Variants in BTBD2 observed in about 807,000 individuals in gnomAD.
BTBD2 encodes the protein BTB/POZ domain-containing protein 2.
Under a neutral mutation model 44.0 loss-of-function variants are expected in BTBD2, and 15 were observed. The observed-to-expected ratio is 0.34, with a 90% CI of 0.23 to 0.53. BTBD2 has a LOEUF of 0.53. Ranked by LOEUF, BTBD2 falls within the 20% of genes least tolerant of loss-of-function variation. The pLI is 0.95. For missense variants in BTBD2, 657 were observed against 746.4 expected (o/e 0.88, Z 1.39); for synonymous variants, 443 against 335.9 (o/e 1.32, Z -3.49).
At chr19:1,987,777 G>T in intron 5 of BTBD2, 85 bp from the exon 6 acceptor site, 1 of 1,356,762 alleles carries the variant, frequency 7.4e-7, no homozygotes, top group Non-Finnish European at 9.9e-7. Flanking sequence ...TTCCCCCTAA[G>T]ATGTCTGCGT....
At chr19:1,987,820 C>T (rs908982671) in intron 5 of BTBD2, 128 bp from the exon 6 acceptor site, 7 of 975,440 alleles carry the variant, frequency 7.2e-6, no homozygotes, top group Middle Eastern at 3.3e-4. Context: ...CTGGGCAGCC[C>T]CTCCCCGGGG....
intron 1 of BTBD2, among the ~76,000 whole-genome samples, chr19:2,009,481 A>C (rs920544275): frequency 2.7e-5 from 4 of 146,734 alleles, no homozygotes; most frequent in Non-Finnish European, 6.0e-5. Flanking sequence ...TACAGGCGTG[A>C]GCCACCACAC....
chr19:1,998,348 G>A (rs1274889930), intron 1 of BTBD2, among the ~76,000 whole-genome samples: 1 of 152,192 alleles, frequency 6.6e-6, no homozygotes, highest in Non-Finnish European at 1.5e-5. Context: ...GGAACGCAAG[G>A]CCCAGGGAAG....
chr19:1,986,467 G>C lies in BTBD2; in HGVS notation c.*21C>G, dbSNP rs1568213038. 4 of 1,610,060 alleles carry C rather than the reference G, an allele frequency of 2.5e-6. No individual in the cohort carries two copies. The South Asian group carries it at 4.4e-5, about 18-fold the overall frequency. ...CTGCGGCTATCCCCACGGAGGGAGGGCGGTGTCGGTGTCGGGCAGCCTAGG... is the reference window on the plus strand; with the variant it reads ...CTGCGGCTATCCCCACGGAGGGAGGCCGGTGTCGGTGTCGGGCAGCCTAGG... On this transcript the variant is annotated 3_prime_UTR_variant, in exon 9 of 9. Coordinates refer to ENST00000255608, the MANE Select transcript of BTBD2 (RefSeq NM_017797.4).
chr19:1,993,915 T>C (rs1247783866), intron 2 of BTBD2, among the ~76,000 whole-genome samples: 1 of 141,622 alleles, frequency 7.1e-6, no homozygotes, highest in African/African-American at 2.7e-5. Flanking sequence ...GAGAATCGCT[T>C]GAACCTGGGA....
chr19:2,000,612 C>T (rs1482616883), intron 1 of BTBD2, among the ~76,000 whole-genome samples: 1 of 152,214 alleles, frequency 6.6e-6, no homozygotes, highest in Non-Finnish European at 1.5e-5. Flanking sequence ...GACCCCTGGG[C>T]ACCGCTACTG....
intron 2 of BTBD2, among the ~76,000 whole-genome samples, chr19:1,993,401 G>A (rs2016208120): frequency 6.6e-6 from 1 of 151,878 alleles, no homozygotes; most frequent in Non-Finnish European, 1.5e-5. Flanking sequence ...ATGAAAACGA[G>A]CAAGAGGCTG....
At chr19:2,014,878 G>T (rs1026949891) in intron 1 of BTBD2, among the ~76,000 whole-genome samples, 1 of 151,366 alleles carries the variant, frequency 6.6e-6, no homozygotes, top group Non-Finnish European at 1.5e-5. Flanking sequence ...AGGATCCAGG[G>T]GGGCCTGGGG....
At chr19:2,008,201 A>C (rs1317091471) in intron 1 of BTBD2, among the ~76,000 whole-genome samples, 1 of 151,854 alleles carries the variant, frequency 6.6e-6, no homozygotes, top group Non-Finnish European at 1.5e-5. Flanking sequence ...ACAAGGTTTC[A>C]CTATGTTTGC....
In BTBD2 at chr19:2,015,407, G is replaced by A. The variant is rs1443758386; in HGVS notation, c.297C>T (p.Ser99=). The A allele has an allele frequency of 1.3e-6, 2 of 1,551,860 alleles. No homozygotes were observed. Among genetic ancestry groups the A allele is most frequent in the East Asian group, 2.6e-5 (1 of 38,934 alleles). Residue 99 remains serine, a synonymous_variant, in exon 1 of 9, where the codon AGC becomes AGT. Transcript: ENST00000255608. ...QREAAYNWQA[S]KPTVQERFAF... Reference sequence around the variant, plus strand: ...CGAAGCGCTCCTGCACGGTGGGCTTGCTGGCCTGCCAGTTGTACGCGGCCT... The same window carrying A: ...CGAAGCGCTCCTGCACGGTGGGCTTACTGGCCTGCCAGTTGTACGCGGCCT...
At chr19:2,011,412 C>G (rs1189232761) in intron 1 of BTBD2, among the ~76,000 whole-genome samples, 1 of 152,270 alleles carries the variant, frequency 6.6e-6, no homozygotes, top group Admixed American at 6.5e-5. Flanking sequence ...GATCTGGTCA[C>G]ACTGGGCCAC....
chr19:2,010,349 C>T (rs1398219136), intron 1 of BTBD2, among the ~76,000 whole-genome samples: 3 of 152,126 alleles, frequency 2.0e-5, no homozygotes, highest in Non-Finnish European at 4.4e-5. Flanking sequence ...CTGAGATGGA[C>T]GGGTGCCCAT....
chr19:1,998,952 G>A (rs1279812173), intron 1 of BTBD2, among the ~76,000 whole-genome samples: 3 of 152,044 alleles, frequency 2.0e-5, no homozygotes, highest in Admixed American at 6.6e-5. Flanking sequence ...AGCAAGTGCC[G>A]GCTCTCAACA....
chr19:1,992,991 C>T, intron 3 of BTBD2, 29 bp downstream of exon 3: 4 of 1,499,016 alleles, frequency 2.7e-6, no homozygotes, highest in African/African-American at 1.4e-5. Flanking sequence ...GGCCTGGCCC[C>T]GCCCCCGCCT....
At chr19:2,006,020 G>A (rs1235548594) in intron 1 of BTBD2, among the ~76,000 whole-genome samples, 1 of 151,706 alleles carries the variant, frequency 6.6e-6, no homozygotes, top group Non-Finnish European at 1.5e-5. Context: ...CCCAGAAGCT[G>A]GAGGCTGCAG....
intron 1 of BTBD2, among the ~76,000 whole-genome samples, chr19:1,998,723 C>T (rs753996904): frequency 6.6e-6 from 1 of 152,174 alleles, no homozygotes; most frequent in Non-Finnish European, 1.5e-5. Context: ...TCCCCAGGGC[C>T]TGCCCACACG....
intron 3 of BTBD2, 71 bp downstream of exon 3, chr19:1,992,942 CAGCCTCG>C (rs1364654073): frequency 1.1e-6 from 1 of 907,234 alleles, no homozygotes; most frequent in Non-Finnish European, 1.5e-6. Flanking sequence ...CCTCCGCCTC[CAGCCTCG>C]GTCCGCCCCA....
intron 4 of BTBD2, chr19:1,990,480 C>T (rs997777550): frequency 2.1e-5 from 13 of 609,054 alleles, no homozygotes; most frequent in South Asian, 6.0e-5. Context: ...CATGGACCAT[C>T]GGAGGACGAG....
At chr19:1,990,426 CTT>C in intron 4 of BTBD2, 2 of 621,726 alleles carry the variant, frequency 3.2e-6, no homozygotes, top group Non-Finnish European at 5.6e-6. Context: ...CAAGGACAGA[CTT>C]GAGTAGCTTT....
Sources: allele counts gnomAD v4.1 joint callset (sites outside exome capture counted in the v4.1 genomes callset), GRCh38; gene constraint gnomAD v4.1.1; transcripts MANE v1.5; gene names NCBI Gene and HGNC (gene_info 2026-07-23, HGNC 2026-07-21).